Variants in C11orf65 observed in about 807,000 individuals in gnomAD.
C11orf65 encodes protein MFI.
C11orf65 carries 38 observed loss-of-function variants against 35.3 expected under a neutral mutation model. The ratio of observed to expected loss-of-function variants is 1.08; its 90% CI spans 0.83 to 1.41. C11orf65 has a LOEUF of 1.41. Ranked by LOEUF, C11orf65 falls within the 40% of genes most tolerant of loss-of-function variation. The pLI is 0.00. For missense variants in C11orf65, 370 were observed against 367.1 expected (o/e 1.01, Z -0.06); for synonymous variants, 105 against 114.4 (o/e 0.92, Z 0.53).
intron 2 of C11orf65, among the ~76,000 whole-genome samples, chr11:108,376,246 G>C (rs375151341): frequency 2.0e-5 from 3 of 152,014 alleles, no homozygotes; most frequent in Non-Finnish European, 4.4e-5. Flanking sequence ...GCTCTCCTCA[G>C]CAAATGTAAA....
chr11:108,325,368 C>T lies in C11orf65; in HGVS notation c.641-16297G>A, dbSNP rs1555119051. ...TATTAAGTGGCAGAAACACTCCCAG[C>T]TTCTCAAGGACAGTGATTTTAGTTT... On this transcript the variant is annotated intron_variant, in intron 6 of 6. Coordinates refer to the C11orf65 transcript ENST00000525729. 1 of 1,612,912 alleles carries T rather than the reference C, an allele frequency of 6.2e-7. No homozygotes were observed. The highest frequency in any genetic ancestry group is 8.5e-7 in the Non-Finnish European group (1 of 1,179,802).
intron 1 of C11orf65, among the ~76,000 whole-genome samples, chr11:108,465,157 G>A (rs1211541066): frequency 6.6e-6 from 1 of 152,110 alleles, no homozygotes; most frequent in African/African-American, 2.4e-5. Flanking sequence ...AATTTTGTAG[G>A]TGGAAATTTA....
At chr11:108,410,199 A>T (rs1427360664) in intron 3 of C11orf65, among the ~76,000 whole-genome samples, 3 of 152,154 alleles carry the variant, frequency 2.0e-5, no homozygotes, top group Admixed American at 6.5e-5. Context: ...CCGTCTCTTT[A>T]TCAACATTTG....
rs587780634 is a variant in C11orf65 at position 108,317,517 on chromosome 11, G to C, written c.641-8446C>G. The C allele has an allele frequency of 1.1e-5, 17 of 1,600,882 alleles. No individual in the cohort carries two copies. The South Asian group carries it at 1.9e-4, about 18-fold the overall frequency. ...TATGCAGTGGGACCATTGCACTTCCGTCAGGTAAGAAATTTGACTTGATTT... is the reference window on the plus strand; with the variant it reads ...TATGCAGTGGGACCATTGCACTTCCCTCAGGTAAGAAATTTGACTTGATTT... On this transcript the variant is annotated intron_variant, in intron 6 of 6. Coordinates refer to the C11orf65 transcript ENST00000525729.
chr11:108,453,814 T>C (rs7131026), intron 2 of C11orf65, among the ~76,000 whole-genome samples: 3 of 152,250 alleles, frequency 2.0e-5, no homozygotes, highest in Admixed American at 6.5e-5. Context: ...TAGTATTTGG[T>C]TGAAGATCCT....
chr11:108,442,214 GA>G (rs1440641647), intron 2 of C11orf65, among the ~76,000 whole-genome samples: 1 of 152,166 alleles, frequency 6.6e-6, no homozygotes, highest in African/African-American at 2.4e-5. Context: ...TCAAGTGGAA[GA>G]AAGGGTATCA....
chr11:108,335,717 T>C (rs1249207240), intron 2 of C11orf65: 11 of 705,440 alleles, frequency 1.6e-5, no homozygotes, highest in Non-Finnish European at 2.5e-5. Flanking sequence ...ATTTAATTAT[T>C]TGGGAGACTG....
At chr11:108,459,726 T>TACACACACACACACACACACACACAC (rs60928526) in intron 2 of C11orf65, among the ~76,000 whole-genome samples, 18 of 138,568 alleles carry the variant, frequency 1.3e-4, no homozygotes, top group Non-Finnish European at 1.1e-4. Context: ...GTCCTCCGTC[T>TACACACACACACACACACACACACAC]ACACACACAC....
At chr11:108,453,273 G>A (rs1376686964) in intron 2 of C11orf65, among the ~76,000 whole-genome samples, 1 of 148,488 alleles carries the variant, frequency 6.7e-6, no homozygotes, top group Non-Finnish European at 1.5e-5. Context: ...TAATAGAGAA[G>A]AAAATAATGA....
At chr11:108,322,696 A>G (rs1484999728) in intron 6 of C11orf65, among the ~76,000 whole-genome samples, 22 of 152,066 alleles carry the variant, frequency 1.4e-4, no homozygotes, top group Admixed American at 1.4e-3. Context: ...TTTATTAAAC[A>G]TTTTCCAAAA....
intron 2 of C11orf65, among the ~76,000 whole-genome samples, chr11:108,446,982 C>A (rs554247332): frequency 3.9e-5 from 6 of 152,212 alleles, no homozygotes; most frequent in East Asian, 1.9e-4. Context: ...GGGTTGCAAT[C>A]CTAGTCTCTG....
rs181420007 is a variant in C11orf65, at chr11:108,402,390, A to G, written c.560+3039T>C. Among the ~76,000 whole-genome samples, 1,254 of 152,228 alleles carry G rather than the reference A, an allele frequency of 8.2e-3. 4 individuals carry two copies. Among genetic ancestry groups the G allele is most frequent in the Non-Finnish European group, 0.011 (724 of 68,020 alleles). On this transcript the variant is annotated intron_variant, in intron 6 of 8. Transcript: ENST00000393084. ...TCTTCCCCACTAGTGCCCTTATCTT[A>G]GTGCAAAAGACCTGGCAGAGTTAAG... is the stretch of plus-strand genomic sequence containing the variant.
At chr11:108,356,995 GCAGAAGA>G (rs1481453552) in intron 2 of C11orf65, among the ~76,000 whole-genome samples, 3 of 152,200 alleles carry the variant, frequency 2.0e-5, no homozygotes, top group Non-Finnish European at 2.9e-5. Context: ...CGTGAGCGAT[GCAGAAGA>G]CAGGTGATTT....
chr11:108,410,332 T>C (rs141001179), intron 3 of C11orf65, among the ~76,000 whole-genome samples: 57 of 152,346 alleles, frequency 3.7e-4, no homozygotes, highest in Non-Finnish European at 7.6e-4. Context: ...TTATTGGCCA[T>C]ATGGATCTAT....
intron 6 of C11orf65, among the ~76,000 whole-genome samples, chr11:108,311,055 T>A (rs946847858): frequency 1.3e-5 from 2 of 152,148 alleles, no homozygotes; most frequent in African/African-American, 2.4e-5. Flanking sequence ...GTAGCCTTGA[T>A]CTTCCGGGCT....
chr11:108,360,476 G>A (rs1483930421), intron 2 of C11orf65, among the ~76,000 whole-genome samples: 5 of 116,440 alleles, frequency 4.3e-5, no homozygotes, highest in Non-Finnish European at 8.9e-5. Flanking sequence ...TACCAAAGCC[G>A]GGCAGAGACA....
Position 108,315,813 on chromosome 11 carries a change from A to G in C11orf65, c.641-6742T>C, listed in dbSNP as rs373395916. 9.3e-6 allele frequency: 15 copies of G among 1,605,696 alleles called. No homozygotes were observed. Among genetic ancestry groups the G allele is most frequent in the Non-Finnish European group, 1.2e-5 (14 of 1,172,922 alleles). Reference sequence around the variant, plus strand: ...TCCTTCTTCAATTTTTGTTGTTTCCATGTTTTCAGGATCTTCTCTTAGAAA... The same window carrying G: ...TCCTTCTTCAATTTTTGTTGTTTCCGTGTTTTCAGGATCTTCTCTTAGAAA... On this transcript the variant is annotated intron_variant, in intron 6 of 6. Coordinates refer to the C11orf65 transcript ENST00000525729.
At chr11:108,376,442 A>G (rs1188401143) in intron 2 of C11orf65, among the ~76,000 whole-genome samples, 2 of 152,248 alleles carry the variant, frequency 1.3e-5, no homozygotes, top group East Asian at 1.9e-4. Context: ...AAGAACAAAG[A>G]CACAACATAC....
At chr11:108,355,761 CCTA>C (rs753671595) in intron 2 of C11orf65, 5 of 152,184 alleles carry the variant, frequency 3.3e-5, no homozygotes, top group African/African-American at 4.8e-5. Flanking sequence ...AAAAATCTCT[CCTA>C]CTGTTCAACT....
Sources: gnomAD v4.1 joint callset for allele counts (sites outside exome capture counted in the v4.1 genomes callset) on GRCh38, gnomAD v4.1.1 for gene constraint, MANE v1.5 for transcripts, NCBI Gene and HGNC (gene_info 2026-07-23, HGNC 2026-07-21) for gene names.